Variants in CTNNBIP1 observed in about 807,000 individuals in gnomAD.
CTNNBIP1 encodes the protein beta-catenin-interacting protein 1.
A neutral mutation model predicts 11.8 loss-of-function variants in CTNNBIP1; 7 were observed. That is an observed-to-expected ratio of 0.60 (90% CI 0.34 to 1.12). The LOEUF (loss-of-function observed/expected upper bound fraction) is 1.12, where lower values mean the gene tolerates loss of function less well. CTNNBIP1 is among the 50% of genes most tolerant of loss of function. The pLI is 0.03. For missense variants in CTNNBIP1, 101 were observed against 113.4 expected (o/e 0.89, Z 0.50); for synonymous variants, 58 against 43.9 (o/e 1.32, Z -1.26).
At chr1:9,900,961 G>C (rs1452097038) in intron 1 of CTNNBIP1, among the ~76,000 whole-genome samples, 1 of 152,222 alleles carries the variant, frequency 6.6e-6, no homozygotes, top group Non-Finnish European at 1.5e-5. Context: ...AGCCAGAGCT[G>C]ACCTTGGCAG....
In CTNNBIP1 at chr1:9,887,776, T is replaced by C. The variant is rs147027973; in HGVS notation, c.-143-4038A>G. 3.9e-5 allele frequency among the ~76,000 whole-genome samples: 6 copies of C among 152,048 alleles called. No individual in the cohort carries two copies. The South Asian group carries it at 1.2e-3, about 32-fold the overall frequency. ...CGGCTAGAGTCCAACCCACTGCCAATCAGAGATTAATTCGAAAATAAGGCT... is the reference window on the plus strand; with the variant it reads ...CGGCTAGAGTCCAACCCACTGCCAACCAGAGATTAATTCGAAAATAAGGCT... On this transcript the variant is annotated intron_variant, in intron 1 of 5. Coordinates refer to ENST00000377263, the MANE Select transcript of CTNNBIP1 (RefSeq NM_020248.3).
intron 5 of CTNNBIP1, among the ~76,000 whole-genome samples, chr1:9,852,558 A>G (rs1638414666): frequency 6.6e-6 from 1 of 152,318 alleles, no homozygotes; most frequent in Admixed American, 6.5e-5. Flanking sequence ...GGACCACGCA[A>G]TATCACTGCA....
At chr1:9,903,011 T>C (rs995723959) in intron 1 of CTNNBIP1, among the ~76,000 whole-genome samples, 1 of 152,204 alleles carries the variant, frequency 6.6e-6, no homozygotes, top group African/African-American at 2.4e-5. Context: ...GTGATCCGCC[T>C]GCCTTGGCCT....
intron 1 of CTNNBIP1, among the ~76,000 whole-genome samples, chr1:9,896,753 G>A (rs961402302): frequency 4.6e-5 from 7 of 152,212 alleles, no homozygotes; most frequent in African/African-American, 7.2e-5. Context: ...CGAATCATGA[G>A]GTCAGGAGTT....
At chr1:9,874,306 G>T (rs186233780) in intron 3 of CTNNBIP1, among the ~76,000 whole-genome samples, 28 of 152,298 alleles carry the variant, frequency 1.8e-4, no homozygotes, top group African/African-American at 6.5e-4. Flanking sequence ...GTGCCCAGGA[G>T]TACAGTGGTA....
At chr1:9,857,555 C>T (rs796090141) in intron 5 of CTNNBIP1, among the ~76,000 whole-genome samples, 3 of 151,594 alleles carry the variant, frequency 2.0e-5, no homozygotes, top group African/African-American at 7.3e-5. Flanking sequence ...TTTGTCTGCA[C>T]TTTGGGAGGC....
intron 5 of CTNNBIP1, among the ~76,000 whole-genome samples, chr1:9,869,347 T>C (rs1451436521): frequency 6.6e-6 from 1 of 152,002 alleles, no homozygotes; most frequent in Non-Finnish European, 1.5e-5. Context: ...CTTGTGTGTA[T>C]GTGTGTTGTT....
chr1:9,853,241 T>C (rs1256001037), intron 5 of CTNNBIP1, among the ~76,000 whole-genome samples: 3 of 152,228 alleles, frequency 2.0e-5, no homozygotes, highest in Non-Finnish European at 4.4e-5. Flanking sequence ...AAGGATCTGC[T>C]TTCCTTTGGG....
chr1:9,892,579 C>T (rs1265800616), intron 1 of CTNNBIP1, among the ~76,000 whole-genome samples: 2 of 148,986 alleles, frequency 1.3e-5, no homozygotes, highest in East Asian at 1.9e-4. Flanking sequence ...GGCAACAGAG[C>T]GAGACTGTCT....
chr1:9,883,703 A>T lies in CTNNBIP1; in HGVS notation c.-110+2T>A, dbSNP rs1318383573. On this transcript the variant is annotated splice_donor_variant, in intron 2 of 5. Transcript: ENST00000377263. LOFTEE classifies it low-confidence loss of function (5UTR_SPLICE). This position sits in a 1 kb window ranked among gnomAD's most constrained non-coding sequence, Gnocchi z 5.6. ...ATGGTCCTCCTGGAACTCAGTACTC[A>T]CCCAGTGCTGTCACCGTTGTCAAGT... 1.3e-5 allele frequency: 2 copies of T among 153,268 alleles called. No individual in the cohort carries two copies. The highest frequency in any genetic ancestry group is 4.8e-5 in the African/African-American group (2 of 41,374). 9.5% of individuals were successfully genotyped at this position (153,268 alleles called of 1,614,324 possible).
chr1:9,900,671 G>A (rs1570600493), intron 1 of CTNNBIP1, among the ~76,000 whole-genome samples: 1 of 152,196 alleles, frequency 6.6e-6, no homozygotes, highest in Non-Finnish European at 1.5e-5. Context: ...CCGGCTGCCC[G>A]AGCTCCCTTA....
At chr1:9,878,825 G>A (rs1639024355) in intron 2 of CTNNBIP1, among the ~76,000 whole-genome samples, 1 of 152,210 alleles carries the variant, frequency 6.6e-6, no homozygotes, top group Non-Finnish European at 1.5e-5. Flanking sequence ...TCCAAGGCAT[G>A]TATCAATCAT....
In CTNNBIP1 at chr1:9,871,536, G is replaced by A. The variant is rs1638861225; in HGVS notation, c.97-259C>T. Among the ~76,000 whole-genome samples the A allele has an allele frequency of 6.6e-6, 1 of 152,104 alleles. No individual in the cohort carries two copies. The highest frequency in any genetic ancestry group is 2.1e-4 in the South Asian group (1 of 4,822). ...GGTCTGTTCTAGTATAGGGCCAGTG[G>A]AAGACACAAGTCCTGCCCGGAAGGC... is the stretch of plus-strand genomic sequence containing the variant. On this transcript the variant is annotated intron_variant, in intron 4 of 5. Coordinates refer to ENST00000377263, the MANE Select transcript of CTNNBIP1 (RefSeq NM_020248.3). This position sits in a 1 kb window ranked among gnomAD's most constrained non-coding sequence, Gnocchi z 5.2.
chr1:9,851,476 TCCTCCTGCCTCAG>T lies in CTNNBIP1; in HGVS notation c.188-713_188-701del, dbSNP rs1441220952. Among the ~76,000 whole-genome samples, 1 of 152,126 alleles carries T rather than the reference TCCTCCTGCCTCAG, an allele frequency of 6.6e-6. No homozygotes were observed. Among genetic ancestry groups the T allele is most frequent in the African/African-American group, 2.4e-5 (1 of 41,422 alleles). On this transcript the variant is annotated intron_variant, in intron 5 of 5. Transcript: ENST00000377263. This position sits in a 1 kb window ranked among gnomAD's most constrained non-coding sequence, Gnocchi z 4.8. ...TCCTCTGCCTCCCGGGTTCAAGCGATCCTCCTGCCTCAGCCTCCTGAGTAGCTGGGATTACAGG... is the reference window on the plus strand; with the variant it reads ...TCCTCTGCCTCCCGGGTTCAAGCGATCCTCCTGAGTAGCTGGGATTACAGG...
intron 1 of CTNNBIP1, among the ~76,000 whole-genome samples, chr1:9,899,147 A>G (rs992657223): frequency 1.3e-5 from 2 of 152,188 alleles, no homozygotes; most frequent in Non-Finnish European, 2.9e-5. Flanking sequence ...GAGATGGTTC[A>G]TAAGCGGCCT....
intron 2 of CTNNBIP1, among the ~76,000 whole-genome samples, chr1:9,882,811 A>T (rs1165851456): frequency 6.6e-6 from 1 of 152,206 alleles, no homozygotes; most frequent in Non-Finnish European, 1.5e-5. Flanking sequence ...GCTGGGACTG[A>T]GAAGCCCATG....
At chr1:9,881,287 C>T (rs1349112372) in intron 2 of CTNNBIP1, among the ~76,000 whole-genome samples, 2 of 151,464 alleles carry the variant, frequency 1.3e-5, no homozygotes, top group Admixed American at 1.3e-4. Context: ...CTCCCACCTC[C>T]GCCTCTTATT....
Position 9,867,102 on chromosome 1 carries a change from G to C in CTNNBIP1, c.187+4085C>G, listed in dbSNP as rs1329112454. Among the ~76,000 whole-genome samples the C allele has an allele frequency of 6.6e-6, 1 of 152,188 alleles. No homozygotes were observed. The highest frequency in any genetic ancestry group is 1.5e-5 in the Non-Finnish European group (1 of 68,018). The stretch of plus-strand genomic sequence containing the variant: ...TGTTGAGATCACAGCACTGCGTGTG[G>C]AACAGGGAGAAGAGAGGGGGCAACC... On this transcript the variant is annotated intron_variant, in intron 5 of 5. Coordinates refer to ENST00000377263, the MANE Select transcript of CTNNBIP1 (RefSeq NM_020248.3). This position sits in a 1 kb window ranked among gnomAD's most constrained non-coding sequence, Gnocchi z 4.6.
At chr1:9,895,629 G>A (rs1297623267) in intron 1 of CTNNBIP1, among the ~76,000 whole-genome samples, 2 of 152,046 alleles carry the variant, frequency 1.3e-5, no homozygotes, top group Admixed American at 6.5e-5. Context: ...TCGAGCAGCT[G>A]GGACTATAGG....
Sources: allele counts gnomAD v4.1 joint callset (sites outside exome capture counted in the v4.1 genomes callset), GRCh38; gene constraint gnomAD v4.1.1; non-coding constraint Gnocchi (gnomAD v3.1); transcripts MANE v1.5; gene names NCBI Gene and HGNC (gene_info 2026-07-23, HGNC 2026-07-21).